EXT1: variants seen among roughly 807,000 people sequenced by gnomAD.
EXT1 encodes the protein exostosin-1.
In EXT1, 20 loss-of-function variants were observed where a neutral mutation model predicts 82.5. That is an observed-to-expected ratio of 0.24 (90% confidence interval 0.17 to 0.35). The LOEUF (loss-of-function observed/expected upper bound fraction) is 0.35, where lower values mean the gene tolerates loss of function less well. Among genes scored for constraint, EXT1 ranks in the 10% least tolerant of loss-of-function variants. The probability of loss-of-function intolerance (pLI) is 1.00; values close to 1 mark genes in which losing one functional copy is unlikely to be tolerated. For synonymous variants in EXT1, 348 were observed against 350.8 expected, an observed-to-expected ratio of 0.99 and a Z score of 0.09; for missense variants, 757 against 936.5, an observed-to-expected ratio of 0.81 and a Z score of 2.50.
intron 1 of EXT1, among the ~76,000 whole-genome samples, chr8:118,036,380 G>A (rs897344238): frequency 2.6e-5 from 4 of 151,822 alleles, no homozygotes; most frequent in African/African-American, 7.3e-5. Flanking sequence ...CTCAGTGGCC[G>A]CCCCTTTTCG....
rs567270724 is a variant in EXT1 at position 118,000,058 on chromosome 8, C to T, written c.962+110027G>A. The stretch of plus-strand genomic sequence containing the variant: ...ACACAGTTTATTTTTTCCTGAATAC[C>T]GCTCCTTTTGGATTCCTTATTCATC... On this transcript the variant is annotated intron_variant, in intron 1 of 10. Transcript: ENST00000378204. 1.5e-4 allele frequency among the ~76,000 whole-genome samples: 23 copies of T among 152,060 alleles called. No individual in the cohort carries two copies. The South Asian group carries it at 4.4e-3, about 29-fold the overall frequency.
intron 1 of EXT1, among the ~76,000 whole-genome samples, chr8:118,054,389 T>C (rs1732838138): frequency 6.6e-6 from 1 of 152,156 alleles, no homozygotes; most frequent in African/African-American, 2.4e-5. Flanking sequence ...TATACAGTCT[T>C]CCAAGCCTAT....
chr8:117,995,069 G>A (rs541428994), intron 1 of EXT1, among the ~76,000 whole-genome samples: 143 of 152,252 alleles, frequency 9.4e-4, no homozygotes, highest in African/African-American at 3.3e-3. Context: ...GCCTAACTAT[G>A]GGTTCTCACC....
chr8:118,036,241 C>T (rs763420291), intron 1 of EXT1, among the ~76,000 whole-genome samples: 4 of 152,144 alleles, frequency 2.6e-5, no homozygotes, highest in Non-Finnish European at 4.4e-5. Flanking sequence ...ATCTTCCCAC[C>T]GTATTCCTAC....
intron 1 of EXT1, among the ~76,000 whole-genome samples, chr8:117,931,159 G>A (rs1814054014): frequency 6.6e-6 from 1 of 152,168 alleles, no homozygotes; most frequent in African/African-American, 2.4e-5. Flanking sequence ...GGGCTGCCCT[G>A]CCTTTGGAAA....
At chr8:117,820,601 T>C (rs2129743585) in intron 5 of EXT1, among the ~76,000 whole-genome samples, 3 of 152,082 alleles carry the variant, frequency 2.0e-5, no homozygotes, top group South Asian at 2.1e-4. Flanking sequence ...AGCAGGAGAA[T>C]TGCTTGAACT....
intron 1 of EXT1, among the ~76,000 whole-genome samples, chr8:118,073,636 A>G (rs1398163845): frequency 6.6e-5 from 2 of 30,154 alleles, no homozygotes; most frequent in Non-Finnish European, 1.6e-4. Context: ...AAGAGAAAGA[A>G]GAGAAGAGAA....
At chr8:118,009,500 G>A (rs76585416) in intron 1 of EXT1, among the ~76,000 whole-genome samples, 5 of 86,756 alleles carry the variant, frequency 5.8e-5, no homozygotes, top group Non-Finnish European at 1.4e-4. Flanking sequence ...GACTCCAAAA[G>A]GGCAAGCAAT....
intron 1 of EXT1, among the ~76,000 whole-genome samples, chr8:117,837,537 A>C (rs1337425272): frequency 1.3e-5 from 2 of 152,200 alleles, no homozygotes; most frequent in African/African-American, 4.8e-5. Flanking sequence ...CCATAGTCTT[A>C]AAAAGAAGAA....
intron 1 of EXT1, among the ~76,000 whole-genome samples, chr8:118,063,756 G>A (rs542899303): frequency 1.4e-4 from 21 of 152,096 alleles, no homozygotes; most frequent in Non-Finnish European, 2.1e-4. Context: ...TTTTGCTGTA[G>A]GTTTTACTTT....
rs189311269 is a variant in EXT1 at position 118,031,758 on chromosome 8, G to A, written c.962+78327C>T. 2.6e-4 allele frequency among the ~76,000 whole-genome samples: 40 copies of A among 152,084 alleles called. No individual in the cohort carries two copies. In the East Asian group the frequency reaches 6.8e-3, roughly 26 times the overall value. The stretch of plus-strand genomic sequence containing the variant: ...TCCATACCTGCCCCTTAAAGAGATA[G>A]TAAGGGTCCATTCAACCTGAGATTA... On this transcript the variant is annotated intron_variant, in intron 1 of 10. Coordinates refer to ENST00000378204, the MANE Select transcript of EXT1 (RefSeq NM_000127.3).
intron 1 of EXT1, among the ~76,000 whole-genome samples, chr8:117,869,152 C>A (rs373846903): frequency 6.6e-6 from 1 of 152,202 alleles, no homozygotes; most frequent in African/African-American, 2.4e-5. Flanking sequence ...TCTCCAGACC[C>A]ATGTCCTCCA....
At chr8:117,825,077 G>A (rs1811988359) in intron 4 of EXT1, among the ~76,000 whole-genome samples, 1 of 151,962 alleles carries the variant, frequency 6.6e-6, no homozygotes, top group African/African-American at 2.4e-5. Context: ...TCATTATGTT[G>A]CTCAGGCTGG....
chr8:118,105,396 A>G (rs1817789668), intron 1 of EXT1, among the ~76,000 whole-genome samples: 1 of 152,240 alleles, frequency 6.6e-6, no homozygotes, highest in African/African-American at 2.4e-5. Flanking sequence ...AAAATCCTGC[A>G]GGCCCCTAGC....
chr8:117,864,426 A>G (rs1461485528), intron 1 of EXT1, among the ~76,000 whole-genome samples: 3 of 152,108 alleles, frequency 2.0e-5, no homozygotes, highest in Non-Finnish European at 2.9e-5. Context: ...CATAAAATAC[A>G]CTAACACTAA....
intron 1 of EXT1, among the ~76,000 whole-genome samples, chr8:118,038,122 G>A (rs988778686): frequency 4.6e-5 from 7 of 152,058 alleles, no homozygotes; most frequent in Middle Eastern, 6.3e-3. Context: ...CACTGCACCC[G>A]GCCAAGATTT....
intron 1 of EXT1, among the ~76,000 whole-genome samples, chr8:117,916,313 G>A (rs1813747672): frequency 1.3e-5 from 2 of 152,108 alleles, no homozygotes; most frequent in South Asian, 4.1e-4. Flanking sequence ...AAAATCTAGA[G>A]TGCATTTTTA....
At chr8:117,805,059 T>C (rs1435446343) in intron 9 of EXT1, among the ~76,000 whole-genome samples, 166 bp from the exon 10 acceptor site, 1 of 152,198 alleles carries the variant, frequency 6.6e-6, no homozygotes, top group Admixed American at 6.5e-5. Context: ...ATGGTACTTG[T>C]TATATACCAG....
intron 1 of EXT1, among the ~76,000 whole-genome samples, chr8:118,056,783 G>A (rs1291994702): frequency 6.6e-6 from 1 of 152,196 alleles, no homozygotes; most frequent in African/African-American, 2.4e-5. Flanking sequence ...AATTGTCAAG[G>A]AGTTCTACCA....
Sources: gnomAD v4.1 joint callset for allele counts (sites outside exome capture counted in the v4.1 genomes callset) on GRCh38, gnomAD v4.1.1 for gene constraint, MANE v1.5 for transcripts, NCBI Gene and HGNC (gene_info 2026-07-23, HGNC 2026-07-21) for gene names.